Variants in TRIM37 observed in about 807,000 individuals in gnomAD.
The protein encoded by TRIM37 is E3 ubiquitin-protein ligase TRIM37.
A neutral mutation model predicts 129.8 loss-of-function variants in TRIM37; 80 were observed. The ratio of observed to expected loss-of-function variants is 0.62; its 90% CI spans 0.51 to 0.74. The LOEUF (loss-of-function observed/expected upper bound fraction) is 0.74. Ranked by LOEUF, TRIM37 falls within the 30% of genes least tolerant of loss-of-function variation. The pLI is 0.00. For synonymous variants in TRIM37, 389 were observed against 387.1 expected (o/e 1.00, Z -0.06); for missense variants, 1,054 against 1,176.5 (o/e 0.90, Z 1.52).
chr17:59,056,258 G>A (rs1431999533), intron 13 of TRIM37, among the ~76,000 whole-genome samples: 1 of 151,146 alleles, frequency 6.6e-6, no homozygotes, highest in East Asian at 1.9e-4. Flanking sequence ...TTCCTAAGCT[G>A]GTCTCAAACT....
intron 12 of TRIM37, among the ~76,000 whole-genome samples, chr17:59,060,393 G>A (rs2041375656): frequency 6.9e-6 from 1 of 144,976 alleles, no homozygotes; most frequent in South Asian, 2.2e-4. Flanking sequence ...CTTCATGTTA[G>A]CTGAAAGCAG....
chr17:59,106,665 C>G lies in TRIM37; in HGVS notation c.-204G>C. On this transcript the variant is annotated 5_prime_UTR_variant, in exon 1 of 24. Coordinates refer to ENST00000262294, the MANE Select transcript of TRIM37 (RefSeq NM_015294.6). ...CCATTTCGCCATTTTTACCGGCGCG[C>G]CCGCCCCGAGGCGCAGAAGTAGGGC... The G allele has an allele frequency of 3.1e-6, 2 of 640,858 alleles. No individual in the cohort carries two copies. Among genetic ancestry groups the G allele is most frequent in the Non-Finnish European group, 5.5e-6 (2 of 365,260 alleles). The allele number at this position is 640,858 out of a possible 1,614,324, so 39.7% of individuals were successfully genotyped here.
chr17:59,001,596 A>G lies in TRIM37; in HGVS notation c.2812+2T>C. The G allele has an allele frequency of 6.2e-7, 1 of 1,613,984 alleles. No homozygotes were observed. On this transcript the variant is annotated splice_donor_variant, in intron 23 of 23. Transcript: ENST00000262294. LOFTEE classifies it high-confidence loss of function. ...TGTGTAAAATGACATCATGTGCTGCACCTTCATCCGGGGGCTGTGTCATGA... is the reference window on the plus strand; with the variant it reads ...TGTGTAAAATGACATCATGTGCTGCGCCTTCATCCGGGGGCTGTGTCATGA...
At chr17:59,008,198 C>T (rs2034793253) in intron 22 of TRIM37, among the ~76,000 whole-genome samples, 1 of 152,206 alleles carries the variant, frequency 6.6e-6, no homozygotes, top group Non-Finnish European at 1.5e-5. Flanking sequence ...TATCCTGGGA[C>T]TCTGGAGGTA....
intron 8 of TRIM37, among the ~76,000 whole-genome samples, chr17:59,074,401 A>ATG (rs2042637728): frequency 6.6e-6 from 1 of 152,200 alleles, no homozygotes; most frequent in South Asian, 2.1e-4. Flanking sequence ...ACAGATATAT[A>ATG]TGTGTGTATG....
At chr17:59,106,253 T>C (rs1414557637) in intron 1 of TRIM37, among the ~76,000 whole-genome samples, 188 bp downstream of exon 1, 1 of 152,136 alleles carries the variant, frequency 6.6e-6, no homozygotes, top group Non-Finnish European at 1.5e-5. Flanking sequence ...TGCGGAACAG[T>C]GAGCACAAGA....
chr17:59,061,298 T>A (rs2041469820), intron 11 of TRIM37, among the ~76,000 whole-genome samples, 190 bp from the exon 12 acceptor site: 2 of 151,928 alleles, frequency 1.3e-5, no homozygotes, highest in Admixed American at 1.3e-4. Context: ...AAAGTGAAAC[T>A]ATTAAGGCAC....
chr17:59,042,986 A>AGCTTAAAACACTACATGTAGTGTTAG lies in TRIM37; in HGVS notation c.1668-1114_1668-1089dup, dbSNP rs377091947. Among the ~76,000 whole-genome samples the AGCTTAAAACACTACATGTAGTGTTAG allele has an allele frequency of 2.6e-5, 4 of 152,294 alleles. No homozygotes were observed. The East Asian group carries it at 5.8e-4, about 22-fold the overall frequency. On this transcript the variant is annotated intron_variant, in intron 16 of 23. Transcript: ENST00000262294. ...GAGAACTGGTAGCTTAATGGCAATA[A>AGCTTAAAACACTACATGTAGTGTTAG]GCTTAAAACACTACATGTAGTGTTA...
At chr17:59,091,192 G>C (rs903115632) in intron 3 of TRIM37, 108 bp downstream of exon 3, 3 of 623,478 alleles carry the variant, frequency 4.8e-6, no homozygotes, top group Non-Finnish European at 8.1e-6. Context: ...CTATCTTCAC[G>C]AAGAAGAGAA....
chr17:59,036,447 GGTGTGTGTGTGTGTGTGTGT>G (rs10625636), intron 17 of TRIM37, among the ~76,000 whole-genome samples: 17 of 140,676 alleles, frequency 1.2e-4, no homozygotes, highest in Non-Finnish European at 1.8e-4. Flanking sequence ...ATTTGCTGGG[GGTGTGTGTGTGTGTGTGTGT>G]GTGTGTGTGT....
At chr17:59,067,956 T>A (rs2146678402) in intron 9 of TRIM37, among the ~76,000 whole-genome samples, 1 of 152,336 alleles carries the variant, frequency 6.6e-6, no homozygotes, top group South Asian at 2.1e-4. Flanking sequence ...TGTGGCTCCA[T>A]CACCAATTAC....
At position 59,088,336 on chromosome 17, in the gene TRIM37, A is replaced by C; in HGVS notation, c.236T>G (p.Leu79Arg). 1 of 1,613,742 alleles carries C rather than the reference A, an allele frequency of 6.2e-7. No homozygotes were observed. Among genetic ancestry groups the C allele is most frequent in the Non-Finnish European group, 8.5e-7 (1 of 1,179,770 alleles). ...AEEVTQQLDTLQLCSLTKHEE... is the reference protein window; with the variant it reads ...AEEVTQQLDTRQLCSLTKHEE... ...ATGTTTGGTGAGACTGCAGAGTTGA[A>C]GAGTATCAAGCTGTTGTGTTACTTC... The change falls in exon 4 of 24, where the codon CTT becomes CGT. Residue 79 changes from leucine to arginine, a missense_variant. By Grantham distance (102) the Leu-to-Arg change is moderately radical. This residue lies in a region of TRIM37 where 752 missense variants were observed against 870.8 expected (regional missense o/e 0.86). Transcript: ENST00000262294.
chr17:59,070,708 T>C, intron 9 of TRIM37, 115 bp downstream of exon 9: 2 of 1,196,178 alleles, frequency 1.7e-6, no homozygotes, highest in Non-Finnish European at 2.4e-6. Context: ...AGACCCTATC[T>C]ATAAAAGAAA....
Position 59,057,040 on chromosome 17 carries a change from A to C in TRIM37, c.1034T>G (p.Val345Gly). The C allele has an allele frequency of 6.8e-6, 11 of 1,613,814 alleles. No homozygotes were observed. Among genetic ancestry groups the C allele is most frequent in the African/African-American group, 1.3e-5 (1 of 75,036 alleles). The change falls in exon 13 of 24, where the codon GTA becomes GGA. Residue 345 changes from valine to glycine, a missense_variant. This residue lies in a region of TRIM37 where 752 missense variants were observed against 870.8 expected (regional missense o/e 0.86). Transcript: ENST00000262294. ...LPETSKYEYR[V>G]EMVHQSCNDP... ...ATTACAGGACTGGTGAACCATCTCT[A>C]CACGATATTCATATCTAAAATTGAA...
At position 59,070,875 on chromosome 17, in the gene TRIM37, G is replaced by T; in HGVS notation, c.757C>A (p.Arg253=). 6.2e-7 allele frequency: 1 copy of T among 1,613,942 alleles called. No homozygotes were observed. Among genetic ancestry groups the T allele is most frequent in the Non-Finnish European group, 8.5e-7 (1 of 1,179,910 alleles). ...EILMMFQQVH[R]KPMASFVTTP... The stretch of plus-strand genomic sequence containing the variant: ...GTAACAAAAGATGCCATGGGCTTCC[G>T]ATGAACTTGCTGAAACATCATAAGG... Residue 253 remains arginine, a synonymous_variant, in exon 9 of 24, where the codon CGG becomes AGG. Coordinates refer to ENST00000262294, the MANE Select transcript of TRIM37 (RefSeq NM_015294.6).
At chr17:59,051,726 A>AATACAAAGT (rs1169480571) in intron 13 of TRIM37, among the ~76,000 whole-genome samples, 3 of 152,046 alleles carry the variant, frequency 2.0e-5, no homozygotes, top group African/African-American at 7.2e-5. Context: ...GCCCCAGCAA[A>AATACAAAGT]ATACAAAGTT....
At chr17:59,049,458 G>A in intron 14 of TRIM37, 65 bp from the exon 15 acceptor site, 1 of 1,376,266 alleles carries the variant, frequency 7.3e-7, no homozygotes, top group Admixed American at 1.8e-5. Flanking sequence ...GATGTCTCAA[G>A]TGAAAAAAAA....
intron 9 of TRIM37, among the ~76,000 whole-genome samples, chr17:59,069,947 C>T (rs2042230375): frequency 1.3e-5 from 2 of 152,206 alleles, no homozygotes; most frequent in Admixed American, 6.5e-5. Flanking sequence ...TTCTGACACC[C>T]TGATCTTGGA....
intron 17 of TRIM37, among the ~76,000 whole-genome samples, chr17:59,039,942 G>T (rs1350321463): frequency 6.6e-6 from 1 of 152,016 alleles, no homozygotes; most frequent in Non-Finnish European, 1.5e-5. Flanking sequence ...CTGTTGCCCA[G>T]GCTGGAGTAC....
Sources: gnomAD v4.1 joint callset for allele counts (sites outside exome capture counted in the v4.1 genomes callset) on GRCh38, gnomAD v4.1.1 for gene constraint, gnomAD v4.1.1 regional missense constraint, MANE v1.5 for transcripts, NCBI Gene and HGNC (gene_info 2026-07-23, HGNC 2026-07-21) for gene names.